The following CTNNA2 variants were observed in gnomAD, a reference collection of about 807,000 sequenced individuals.
CTNNA2 encodes the protein catenin alpha 2, also known as catenin alpha-2.
In CTNNA2, 42 loss-of-function variants were observed where a neutral mutation model predicts 101.0. The observed-to-expected ratio is 0.42, with a 90% CI of 0.32 to 0.54. The LOEUF (loss-of-function observed/expected upper bound fraction) is 0.54, where lower values mean the gene tolerates loss of function less well. CTNNA2 is among the 20% of genes least tolerant of loss of function. CTNNA2 has a pLI of 0.14. For missense variants in CTNNA2, 871 were observed against 1,223.1 expected (o/e 0.71, Z 4.29); for synonymous variants, 450 against 456.4 (o/e 0.99, Z 0.18).
chr2:79,303,317 G>A lies in CTNNA2; in HGVS notation c.-405-9392G>A, dbSNP rs141166412. ...CATCACGCTATCCCAGGGACACCCC[G>A]AAACAATCTCTCCAGGTTCCTCTGA... On this transcript the variant is annotated intron_variant, in intron 2 of 21. Transcript: ENST00000466387. Among the ~76,000 whole-genome samples the A allele has an allele frequency of 1.3e-3, 195 of 152,240 alleles. 1 individual carries two copies. The highest frequency in any genetic ancestry group is 4.2e-3 in the African/African-American group (173 of 41,552).
intron 7 of CTNNA2, among the ~76,000 whole-genome samples, chr2:80,098,422 G>T (rs112521027): frequency 6.6e-6 from 1 of 152,172 alleles, no homozygotes; most frequent in Admixed American, 6.5e-5. Context: ...CCCCACGGGG[G>T]GGTTGCCTCC....
At chr2:79,817,495 C>T (rs1288435066) in intron 3 of CTNNA2, among the ~76,000 whole-genome samples, 3 of 151,940 alleles carry the variant, frequency 2.0e-5, no homozygotes, top group Admixed American at 1.3e-4. Flanking sequence ...GCTGCACTTC[C>T]ACTCCTCTGG....
intron 7 of CTNNA2, among the ~76,000 whole-genome samples, chr2:79,933,073 G>C (rs750260122): frequency 7.9e-5 from 12 of 152,100 alleles, no homozygotes; most frequent in Non-Finnish European, 1.3e-4. Flanking sequence ...TTTGTTTGTG[G>C]ATATCTTGGA....
At chr2:79,301,531 C>T (rs1676107195) in intron 2 of CTNNA2, among the ~76,000 whole-genome samples, 1 of 152,166 alleles carries the variant, frequency 6.6e-6, no homozygotes, top group Non-Finnish European at 1.5e-5. Flanking sequence ...TGGTAATGAT[C>T]CAGTGCTGTA....
chr2:80,556,433 G>A (rs1367102027), intron 12 of CTNNA2, among the ~76,000 whole-genome samples: 1 of 152,192 alleles, frequency 6.6e-6, no homozygotes, highest in Non-Finnish European at 1.5e-5. Context: ...GGTGGCTGCT[G>A]ACAAAGAGTT....
intron 2 of CTNNA2, among the ~76,000 whole-genome samples, chr2:79,299,106 G>T (rs10496218): frequency 6.6e-6 from 1 of 152,056 alleles, no homozygotes; most frequent in Non-Finnish European, 1.5e-5. Context: ...CATAGGTTTA[G>T]TATCGTCTGG....
chr2:79,764,556 G>A (rs960906968), intron 3 of CTNNA2, among the ~76,000 whole-genome samples: 2 of 152,036 alleles, frequency 1.3e-5, no homozygotes, highest in African/African-American at 4.8e-5. Context: ...ACATCCTTAA[G>A]AATCAAAAAC....
intron 15 of CTNNA2, among the ~76,000 whole-genome samples, chr2:80,603,124 T>TA (rs1322541309): frequency 3.3e-5 from 5 of 152,052 alleles, no homozygotes; most frequent in African/African-American, 4.8e-5. Context: ...CTTACAGCCT[T>TA]AAAAAACACA....
At chr2:80,575,344 A>G (rs982293291) in intron 13 of CTNNA2, 2 of 152,188 alleles carry the variant, frequency 1.3e-5, no homozygotes, top group Non-Finnish European at 2.9e-5. Flanking sequence ...AACCAAATGT[A>G]TCCAAAATAT....
intron 3 of CTNNA2, among the ~76,000 whole-genome samples, chr2:79,838,531 T>C (rs1679564123): frequency 6.6e-6 from 1 of 152,074 alleles, no homozygotes. Flanking sequence ...TTATTAGAGG[T>C]TTTGATCTAA....
At chr2:79,763,481 G>A (rs1000110852) in intron 3 of CTNNA2, among the ~76,000 whole-genome samples, 7 of 151,956 alleles carry the variant, frequency 4.6e-5, no homozygotes, top group African/African-American at 1.7e-4. Flanking sequence ...CTTGACAATC[G>A]GTATTGTCTG....
At chr2:79,970,505 G>C (rs1690400826) in intron 7 of CTNNA2, among the ~76,000 whole-genome samples, 1 of 152,070 alleles carries the variant, frequency 6.6e-6, no homozygotes. Flanking sequence ...ACCCTGAATA[G>C]ACCACGGTGG....
rs1476150738 is a variant in CTNNA2, at chr2:79,874,065, TACAC to T, written c.586-5_586-2del. On this transcript the variant is annotated splice_polypyrimidine_tract_variant and splice_region_variant and intron_variant, in intron 5 of 18. Coordinates refer to ENST00000402739, the MANE Select transcript of CTNNA2 (RefSeq NM_001282597.3). ...CATGTGTGTGACAGCTTTCATGTGT[TACAC>T]ACACAGGAGCTGAAGGATCCTCACT... 6.2e-7 allele frequency: 1 copy of T among 1,613,702 alleles called. No individual in the cohort carries two copies. The highest frequency in any genetic ancestry group is 8.5e-7 in the Non-Finnish European group (1 of 1,179,800).
intron 2 of CTNNA2, among the ~76,000 whole-genome samples, chr2:79,725,214 A>G (rs982255993): frequency 1.3e-5 from 2 of 152,242 alleles, no homozygotes; most frequent in African/African-American, 4.8e-5. Flanking sequence ...AATTGTTAAA[A>G]TCTATTTGAT....
chr2:79,431,105 G>T (rs773351086), intron 4 of CTNNA2, among the ~76,000 whole-genome samples: 1 of 152,046 alleles, frequency 6.6e-6, no homozygotes, highest in African/African-American at 2.4e-5. Context: ...AGTCAAGAGA[G>T]TGGACTGAGC....
At chr2:79,211,612 T>C (rs1330490210) in intron 2 of CTNNA2, among the ~76,000 whole-genome samples, 3 of 152,112 alleles carry the variant, frequency 2.0e-5, no homozygotes, top group Non-Finnish European at 2.9e-5. Flanking sequence ...TTTCAGAAGA[T>C]AATGTCATCA....
At chr2:80,455,311 A>G (rs922340266) in intron 9 of CTNNA2, among the ~76,000 whole-genome samples, 2 of 152,194 alleles carry the variant, frequency 1.3e-5, no homozygotes, top group African/African-American at 4.8e-5. Context: ...ATAAAGAGAA[A>G]CTGTTACCCA....
chr2:79,489,398 C>A (rs1333833651), intron 4 of CTNNA2, among the ~76,000 whole-genome samples: 1 of 152,232 alleles, frequency 6.6e-6, no homozygotes, highest in East Asian at 1.9e-4. Flanking sequence ...TTTCAGCCAT[C>A]CTTCCTCCCT....
At chr2:79,793,872 ACACACACACACTCATG>A (rs1220589002) in intron 3 of CTNNA2, among the ~76,000 whole-genome samples, 4 of 139,268 alleles carry the variant, frequency 2.9e-5, no homozygotes, top group South Asian at 4.6e-4. Context: ...CCAATACCAC[ACACACACACACTCATG>A]CACACACACA....
Sources: gnomAD v4.1 joint callset for allele counts (sites outside exome capture counted in the v4.1 genomes callset) on GRCh38, gnomAD v4.1.1 for gene constraint, MANE v1.5 for transcripts, NCBI Gene and HGNC (gene_info 2026-07-23, HGNC 2026-07-21) for gene names.